The following KDM4B variants were observed in gnomAD, a reference collection of about 807,000 sequenced individuals.
KDM4B encodes the protein lysine-specific demethylase 4B.
Under a neutral mutation model 125.2 loss-of-function variants are expected in KDM4B, and 32 were observed. The ratio of observed to expected loss-of-function variants is 0.26; its 90% confidence interval spans 0.19 to 0.34. KDM4B has a LOEUF of 0.34. Ranked by LOEUF, KDM4B falls within the 10% of genes least tolerant of loss-of-function variation. The pLI is 1.00. For synonymous variants in KDM4B, 721 were observed against 677.9 expected (o/e 1.06, Z -0.99); for missense variants, 1,190 against 1,577.7 (o/e 0.75, Z 4.16).
chr19:4,988,410 G>GGACT (rs1323510007), intron 1 of KDM4B, among the ~76,000 whole-genome samples: 31 of 152,084 alleles, frequency 2.0e-4, no homozygotes, highest in Non-Finnish European at 4.0e-4. Flanking sequence ...GGAGTAGCTG[G>GGACT]GACTACAGGT....
intron 2 of KDM4B, among the ~76,000 whole-genome samples, chr19:5,026,634 C>T (rs1460309912): frequency 2.0e-5 from 3 of 152,146 alleles, no homozygotes; most frequent in Non-Finnish European, 4.4e-5. Flanking sequence ...TTCTGGGGCC[C>T]TGGGTTCCCG....
At chr19:4,978,403 A>G (rs1243123316) in intron 1 of KDM4B, among the ~76,000 whole-genome samples, 1 of 138,856 alleles carries the variant, frequency 7.2e-6, no homozygotes, top group African/African-American at 2.7e-5. Flanking sequence ...GCTACTCGGG[A>G]GGCTGAGGGA....
rs184630441 is a variant in KDM4B at position 5,093,166 on chromosome 19, G to C, written c.918+10662G>C. ...GGCCCCTTCAGGGCAGCATGTGGAG[G>C]AGAAAGGCAGGTCCTGGTGGCCTGG... On this transcript the variant is annotated intron_variant, in intron 9 of 22. Coordinates refer to ENST00000159111, the MANE Select transcript of KDM4B (RefSeq NM_015015.3). Among the ~76,000 whole-genome samples the C allele has an allele frequency of 2.4e-4, 37 of 152,332 alleles. No homozygotes were observed. The East Asian group carries it at 6.9e-3, about 29-fold the overall frequency.
intron 6 of KDM4B, among the ~76,000 whole-genome samples, chr19:5,066,592 T>C (rs113178035): frequency 0.041 from 6,215 of 152,326 alleles, 191 homozygotes; most frequent in Non-Finnish European, 0.067. Context: ...CCCACGCTGC[T>C]TTGGCTTGCA....
chr19:5,061,037 C>T (rs531311337), intron 6 of KDM4B, among the ~76,000 whole-genome samples: 3 of 152,172 alleles, frequency 2.0e-5, no homozygotes, highest in Non-Finnish European at 4.4e-5. Flanking sequence ...GTATGAAGTT[C>T]GCACGGATCC....
intron 6 of KDM4B, among the ~76,000 whole-genome samples, chr19:5,069,438 T>C (rs1599550608): frequency 6.6e-6 from 1 of 151,612 alleles, no homozygotes; most frequent in African/African-American, 2.4e-5. Context: ...GCCACCTGAG[T>C]AGCTGGGATT....
intron 1 of KDM4B, among the ~76,000 whole-genome samples, chr19:5,000,561 CAGTG>C (rs777435836): frequency 6.6e-6 from 1 of 152,198 alleles, no homozygotes; most frequent in South Asian, 2.1e-4. Flanking sequence ...CCTTGGCTGA[CAGTG>C]AGAATCCACC....
At chr19:4,994,492 G>A (rs1017012426) in intron 1 of KDM4B, among the ~76,000 whole-genome samples, 18 of 150,616 alleles carry the variant, frequency 1.2e-4, no homozygotes, top group Admixed American at 9.3e-4. Flanking sequence ...GAACCCGGGA[G>A]GTGGAGATTG....
At position 5,078,964 on chromosome 19, in the gene KDM4B, C is replaced by T. The variant is rs1489433074; in HGVS notation, c.780+1494C>T. ...CTGTGCCGCCCGGCCTGGGGACCGT[C>T]CTTCAGCCTCTCAGACGCCATGGGC... On this transcript the variant is annotated intron_variant, in intron 8 of 22. Coordinates refer to ENST00000159111, the MANE Select transcript of KDM4B (RefSeq NM_015015.3). This position sits in a 1 kb window ranked among gnomAD's most constrained non-coding sequence, Gnocchi z 4.5. 1.3e-5 allele frequency: 2 copies of T among 152,194 alleles called. No homozygotes were observed. The highest frequency in any genetic ancestry group is 1.3e-4 in the Admixed American group (2 of 15,286). The allele number at this position is 152,194 out of a possible 1,614,324, so 9.4% of individuals were successfully genotyped here.
At chr19:4,996,190 A>G (rs1195139984) in intron 1 of KDM4B, among the ~76,000 whole-genome samples, 1 of 152,066 alleles carries the variant, frequency 6.6e-6, no homozygotes, top group African/African-American at 2.4e-5. Context: ...GGGTTTCTCC[A>G]TGTTGGCCAG....
chr19:5,077,434 C>T lies in KDM4B; in HGVS notation c.744C>T (p.Pro248=). Residue 248 remains proline (P), a synonymous_variant, in exon 8 of 23, where the codon CCC becomes CCT. Coordinates refer to ENST00000159111, the MANE Select transcript of KDM4B (RefSeq NM_015015.3). The stretch of plus-strand genomic sequence containing the variant: ...GGCATAAGATGACCCTCATCTCGCC[C>T]ATCATCCTGAAGAAGTACGGGATCC... The part of the protein sequence containing the change: ...FLRHKMTLIS[P]IILKKYGIPF... 1 of 1,613,486 alleles carries T rather than the reference C, an allele frequency of 6.2e-7. No individual in the cohort carries two copies. Among genetic ancestry groups the T allele is most frequent in the East Asian group, 2.2e-5 (1 of 44,894 alleles).
intron 9 of KDM4B, among the ~76,000 whole-genome samples, chr19:5,088,418 C>T (rs1042717506): frequency 2.0e-5 from 3 of 152,190 alleles, no homozygotes; most frequent in African/African-American, 7.2e-5. Flanking sequence ...TCGGACACCA[C>T]GGATACAAAC....
chr19:5,087,289 G>A (rs2038536064), intron 9 of KDM4B, among the ~76,000 whole-genome samples: 1 of 152,284 alleles, frequency 6.6e-6, no homozygotes, highest in South Asian at 2.1e-4. Context: ...CAGTGACATA[G>A]TCATTGCCCC....
chr19:5,071,197 C>A, intron 7 of KDM4B, 138 bp downstream of exon 7: 1 of 717,130 alleles, frequency 1.4e-6, no homozygotes, highest in Non-Finnish European at 2.3e-6. Flanking sequence ...TTCTTTGAGC[C>A]ATTACTGTGT....
At chr19:5,005,238 C>T (rs1283453752) in intron 1 of KDM4B, among the ~76,000 whole-genome samples, 15 of 151,498 alleles carry the variant, frequency 9.9e-5, no homozygotes, top group Admixed American at 9.9e-4. Flanking sequence ...CCAGGTGGCA[C>T]AAGTATGGAG....
intron 1 of KDM4B, among the ~76,000 whole-genome samples, chr19:4,986,516 G>A (rs1050842607): frequency 4.6e-5 from 7 of 152,220 alleles, no homozygotes; most frequent in East Asian, 1.9e-4. Flanking sequence ...ATGGCAGGTC[G>A]GCGGGCACAG....
intron 21 of KDM4B, among the ~76,000 whole-genome samples, chr19:5,147,879 G>A (rs1599279486): frequency 6.6e-6 from 1 of 152,190 alleles, no homozygotes; most frequent in East Asian, 1.9e-4. Context: ...GTGGCGGCAG[G>A]ACCTCGATCA....
At chr19:5,012,390 T>A (rs1395590218) in intron 1 of KDM4B, among the ~76,000 whole-genome samples, 2 of 152,208 alleles carry the variant, frequency 1.3e-5, no homozygotes, top group Non-Finnish European at 2.9e-5. Context: ...CACTTCCCGC[T>A]TCATTCGGAT....
chr19:5,128,474 C>T (rs979185734), intron 11 of KDM4B, among the ~76,000 whole-genome samples: 5 of 152,198 alleles, frequency 3.3e-5, no homozygotes, highest in Admixed American at 6.5e-5. Context: ...TGGATGGGCA[C>T]CGCAGCCTGC....
Sources: gnomAD v4.1 joint callset for allele counts (sites outside exome capture counted in the v4.1 genomes callset) on GRCh38, gnomAD v4.1.1 for gene constraint, Gnocchi (gnomAD v3.1) non-coding constraint, MANE v1.5 for transcripts, NCBI Gene and HGNC (gene_info 2026-07-23, HGNC 2026-07-21) for gene names.